ZNF362: variants seen among roughly 807,000 people sequenced by gnomAD.
ZNF362 encodes zinc finger protein 362.
ZNF362 carries 11 observed loss-of-function variants against 42.9 expected under a neutral mutation model. The observed-to-expected ratio is 0.26, with a 90% CI of 0.16 to 0.42. The LOEUF (loss-of-function observed/expected upper bound fraction) is 0.42, where lower values mean the gene tolerates loss of function less well. Among genes scored for constraint, ZNF362 ranks in the 20% least tolerant of loss-of-function variants. The pLI is 1.00. For synonymous variants in ZNF362, 255 were observed against 257.3 expected (o/e 0.99, Z 0.09); for missense variants, 362 against 576.2 (o/e 0.63, Z 3.81).
At chr1:33,155,843 C>T in the ZNF362 span, among the ~76,000 whole-genome samples, 2 of 152,220 alleles carry the variant, frequency 1.3e-5, no homozygotes, top group East Asian at 1.9e-4. Context: ...TGGGAAGGCA[C>T]TGATTTCCCA....
chr1:33,276,422 G>C lies in ZNF362; in HGVS notation c.177G>C (p.Pro59=). ...AGAAGATCAGGCCGCCTCACCTGCCGCCCACGTCGGCCTCGTCGCAGCAGC... is the reference window on the plus strand; with the variant it reads ...AGAAGATCAGGCCGCCTCACCTGCCCCCCACGTCGGCCTCGTCGCAGCAGC... ...MAEKIRPPHL[P]PTSASSQQPL... Residue 59 remains proline, a synonymous_variant, in exon 4 of 9, where the codon CCG becomes CCC. Coordinates refer to ENST00000539719, the MANE Select transcript of ZNF362 (RefSeq NM_152493.3). The C allele has an allele frequency of 6.3e-7, 1 of 1,581,640 alleles. No individual in the cohort carries two copies. Among genetic ancestry groups the C allele is most frequent in the Non-Finnish European group, 8.6e-7 (1 of 1,165,036 alleles).
the ZNF362 span, among the ~76,000 whole-genome samples, chr1:33,249,311 A>C: frequency 2.6e-5 from 4 of 152,196 alleles, no homozygotes; most frequent in Admixed American, 6.5e-5. Context: ...TGGCTGGAGC[A>C]CCGAGGCCAA....
At chr1:33,136,229 TTC>T in the ZNF362 span, among the ~76,000 whole-genome samples, 4 of 150,372 alleles carry the variant, frequency 2.7e-5, no homozygotes, top group African/African-American at 7.3e-5. Flanking sequence ...CCTCCTTTCT[TTC>T]TCTTTCTTTT....
At chr1:33,197,873 A>G in the ZNF362 span, among the ~76,000 whole-genome samples, 2 of 152,218 alleles carry the variant, frequency 1.3e-5, no homozygotes, top group Non-Finnish European at 2.9e-5. Context: ...CTCAGAGTTC[A>G]CATATAGTCA....
At chr1:33,162,439 TA>T in the ZNF362 span, among the ~76,000 whole-genome samples, 7 of 152,232 alleles carry the variant, frequency 4.6e-5, no homozygotes, top group Admixed American at 3.3e-4. Context: ...TCAACAGTCT[TA>T]ATACATTGTC....
chr1:33,283,520 GCAAAACCC>G (rs1189122583), intron 6 of ZNF362, among the ~76,000 whole-genome samples: 2 of 152,178 alleles, frequency 1.3e-5, no homozygotes, highest in Non-Finnish European at 2.9e-5. Context: ...CAGCAACATG[GCAAAACCC>G]CATTGCTACA....
chr1:33,275,972 G>C, intron 2 of ZNF362, 128 bp from the exon 3 acceptor site: 1 of 1,007,220 alleles, frequency 9.9e-7, no homozygotes, highest in Non-Finnish European at 1.5e-6. Flanking sequence ...TGTGCTGTGA[G>C]GCTGGGGGAC....
the ZNF362 span, among the ~76,000 whole-genome samples, chr1:33,203,822 T>TTTTCTTGCTATTG: frequency 2.0e-5 from 3 of 152,180 alleles, no homozygotes; most frequent in African/African-American, 7.2e-5. Context: ...GGGTTATTTG[T>TTTTCTTGCTATTG]TTTCTTGCTA....
chr1:33,297,515 T>TTTTTA (rs1482181167), intron 8 of ZNF362, among the ~76,000 whole-genome samples: 2 of 94,166 alleles, frequency 2.1e-5, no homozygotes, highest in East Asian at 6.5e-4. Flanking sequence ...TGATTCCTCT[T>TTTTTA]TTTTTTTTTT....
chr1:33,132,605 T>G, the ZNF362 span, among the ~76,000 whole-genome samples: 4 of 152,232 alleles, frequency 2.6e-5, no homozygotes, highest in Non-Finnish European at 4.4e-5. Context: ...GGTTAGTTGC[T>G]CCTTCTCTAT....
In ZNF362 at chr1:33,281,819, G is replaced by C; in HGVS notation, c.908+8G>C. 6.2e-7 allele frequency: 1 copy of C among 1,613,440 alleles called. No homozygotes were observed. Among genetic ancestry groups the C allele is most frequent in the Non-Finnish European group, 8.5e-7 (1 of 1,179,502 alleles). ...CCTCCAGCAGCACACCAGGTGAGTG[G>C]CCTGCCTGCTGCCCTGCTGCAGCCC... On this transcript the variant is annotated splice_region_variant and intron_variant, in intron 6 of 8. Transcript: ENST00000539719. The surrounding 1 kb of genome is among the most constrained non-coding windows in gnomAD (Gnocchi z 4.8).
At chr1:33,220,095 CAGA>C in the ZNF362 span, among the ~76,000 whole-genome samples, 1 of 152,010 alleles carries the variant, frequency 6.6e-6, no homozygotes, top group Admixed American at 6.6e-5. Context: ...CGCAGTGGAG[CAGA>C]AGGTGAGTGC....
chr1:33,222,633 T>C, the ZNF362 span, among the ~76,000 whole-genome samples: 3 of 152,248 alleles, frequency 2.0e-5, no homozygotes, highest in Non-Finnish European at 4.4e-5. Context: ...TCATCCTGCC[T>C]TCTTTCTATT....
At chr1:33,271,728 G>A (rs1390884554) in intron 2 of ZNF362, among the ~76,000 whole-genome samples, 2 of 150,634 alleles carry the variant, frequency 1.3e-5, no homozygotes, top group African/African-American at 5.0e-5. Flanking sequence ...GTGTCTGCAG[G>A]AGCATCTGGG....
At position 33,299,145 on chromosome 1, in the gene ZNF362, G is replaced by C; in HGVS notation, c.*99G>C. ...CCGGGGGCCCTCCAGGAACCACCAA[G>C]CTCTCTCACGACCTTCCCAATCTTC... On this transcript the variant is annotated 3_prime_UTR_variant, in exon 9 of 9. Transcript: ENST00000539719. 1 of 875,042 alleles carries C rather than the reference G, an allele frequency of 1.1e-6. No homozygotes were observed. The allele number at this position is 875,042 out of a possible 1,614,324, so 54.2% of individuals were successfully genotyped here. A position where few individuals can be genotyped will look rare whatever the true frequency, so the allele number is the denominator to read the frequency against.
At chr1:33,264,070 A>G (rs1645847565) in intron 1 of ZNF362, among the ~76,000 whole-genome samples, 1 of 152,180 alleles carries the variant, frequency 6.6e-6, no homozygotes, top group East Asian at 1.9e-4. Context: ...CCTGCCCCAC[A>G]GGCTGCCTGC....
chr1:33,265,656 G>A (rs1382647726), intron 1 of ZNF362, among the ~76,000 whole-genome samples: 3 of 152,074 alleles, frequency 2.0e-5, no homozygotes, highest in South Asian at 2.1e-4. Context: ...CAAACTTTGA[G>A]CGTGTCTCAG....
chr1:33,145,305 G>A, the ZNF362 span: 2 of 152,466 alleles, frequency 1.3e-5, no homozygotes, highest in Non-Finnish European at 2.9e-5. Flanking sequence ...TTACCCAGCC[G>A]GGCTGCTTTG....
the ZNF362 span, among the ~76,000 whole-genome samples, chr1:33,131,611 A>G: frequency 6.6e-6 from 1 of 152,130 alleles, no homozygotes; most frequent in Non-Finnish European, 1.5e-5. Context: ...AACATTTTGT[A>G]TGTTTAAAAG....
Sources: allele counts gnomAD v4.1 joint callset (sites outside exome capture counted in the v4.1 genomes callset), GRCh38; gene constraint gnomAD v4.1.1; non-coding constraint Gnocchi (gnomAD v3.1); transcripts MANE v1.5; gene names NCBI Gene and HGNC (gene_info 2026-07-23, HGNC 2026-07-21).